FBXO31: variants seen among roughly 807,000 people sequenced by gnomAD.
FBXO31 encodes F-box protein 31.
In FBXO31, 24 loss-of-function variants were observed where a neutral mutation model predicts 54.4. The observed-to-expected ratio is 0.44, with a 90% CI of 0.32 to 0.62. FBXO31 has a LOEUF of 0.62. FBXO31 is among the 20% of genes least tolerant of loss of function. The probability of loss-of-function intolerance (pLI) is 0.05; values close to 1 mark genes in which losing one functional copy is unlikely to be tolerated. For missense variants in FBXO31, 665 were observed against 787.1 expected, an observed-to-expected ratio of 0.84 and a Z score of 1.86; for synonymous variants, 388 against 335.6, an observed-to-expected ratio of 1.16 and a Z score of -1.71.
intron 1 of FBXO31, among the ~76,000 whole-genome samples, chr16:87,364,081 A>C (rs555759831): frequency 8.5e-5 from 13 of 152,242 alleles, no homozygotes; most frequent in Non-Finnish European, 1.8e-4. Flanking sequence ...TTCCATTATA[A>C]TCTTATTTTG....
At chr16:87,381,109 G>C (rs1016723456) in intron 1 of FBXO31, among the ~76,000 whole-genome samples, 2 of 152,164 alleles carry the variant, frequency 1.3e-5, no homozygotes, top group Non-Finnish European at 2.9e-5. Flanking sequence ...GAGCAAATGG[G>C]TAGACTTCAC....
At chr16:87,377,558 G>T (rs1323819416) in intron 1 of FBXO31, among the ~76,000 whole-genome samples, 1 of 152,190 alleles carries the variant, frequency 6.6e-6, no homozygotes, top group African/African-American at 2.4e-5. Flanking sequence ...AGAGGCAGCA[G>T]CTCACGCCTG....
At chr16:87,390,132 T>A (rs556026868), upstream of FBXO31, among the ~76,000 whole-genome samples, 1 of 152,160 alleles carries the variant, frequency 6.6e-6, no homozygotes, top group East Asian at 1.9e-4. Context: ...AATACAAAAA[T>A]TAGCTGGGCG....
chr16:87,351,769 G>A (rs150086251), intron 2 of FBXO31, among the ~76,000 whole-genome samples: 1,721 of 152,178 alleles, frequency 0.011, 8 homozygotes, highest in Non-Finnish European at 0.018. Flanking sequence ...CGTGGGAGGC[G>A]GAGGCAGGAG....
At chr16:87,391,411 G>T (rs757717772), upstream of FBXO31, among the ~76,000 whole-genome samples, 24 of 152,238 alleles carry the variant, frequency 1.6e-4, no homozygotes, top group Non-Finnish European at 3.1e-4. Flanking sequence ...ACGCACTGCA[G>T]CCCATTTGGA....
chr16:87,384,673 G>A (rs186200740), upstream of FBXO31, among the ~76,000 whole-genome samples: 1 of 152,248 alleles, frequency 6.6e-6, no homozygotes, highest in Non-Finnish European at 1.5e-5. Flanking sequence ...GCCCAGGCGG[G>A]AGTATCAATC....
Position 87,346,982 on chromosome 16 carries a change from C to G in FBXO31, c.489+192G>C, listed in dbSNP as rs1439611660. ...CGGGCCACAAGGCCGAAGTGTTGCT[C>G]TAAGCAAACCTTTGCTCATTTGGAA... On this transcript the variant is annotated intron_variant, in intron 3 of 8. Transcript: ENST00000311635. This position sits in a 1 kb window ranked among gnomAD's most constrained non-coding sequence, Gnocchi z 4.2. Among the ~76,000 whole-genome samples the G allele has an allele frequency of 6.6e-6, 1 of 152,240 alleles. No individual in the cohort carries two copies. The highest frequency in any genetic ancestry group is 1.5e-5 in the Non-Finnish European group (1 of 68,048).
At chr16:87,340,225 T>G (rs1281126864) in intron 5 of FBXO31, among the ~76,000 whole-genome samples, 1 of 152,200 alleles carries the variant, frequency 6.6e-6, no homozygotes, top group African/African-American at 2.4e-5. Context: ...AGGCGGAGGT[T>G]GCAGTGAGCC....
chr16:87,375,485 T>C (rs1170943611), intron 1 of FBXO31, among the ~76,000 whole-genome samples: 3 of 151,814 alleles, frequency 2.0e-5, no homozygotes, highest in African/African-American at 7.3e-5. Context: ...AGCAAGACTC[T>C]GTCTCAAAAA....
At chr16:87,384,575 G>A (rs915591954), upstream of FBXO31, among the ~76,000 whole-genome samples, 22 of 152,254 alleles carry the variant, frequency 1.4e-4, no homozygotes, top group African/African-American at 5.3e-4. Context: ...CGTCTCCCAG[G>A]TCCGCGGGTG....
chr16:87,327,999 C>CA lies in FBXO31; in HGVS notation c.*3288dup. The stretch of plus-strand genomic sequence containing the variant: ...CTGTTCGCACCCAAGACCCCACGGC[C>CA]ATGAGGACAACACGAGCTCAGAAGA... On this transcript the variant is annotated 3_prime_UTR_variant, in exon 9 of 9. Coordinates refer to ENST00000311635, the MANE Select transcript of FBXO31 (RefSeq NM_024735.5). 1 of 152,406 alleles carries CA rather than the reference C, an allele frequency of 6.6e-6. No homozygotes were observed. The highest frequency in any genetic ancestry group is 3.4e-3 in the Middle Eastern group (1 of 296). 9.4% of individuals were successfully genotyped at this position (152,406 alleles called of 1,614,324 possible).
intron 1 of FBXO31, chr16:87,367,027 A>T (rs746214234): frequency 2.0e-5 from 3 of 152,076 alleles, no homozygotes; most frequent in South Asian, 2.1e-4. Flanking sequence ...AATTTTTTTT[A>T]AAAATTAGCC....
At chr16:87,347,553 G>A (rs888159773) in intron 2 of FBXO31, among the ~76,000 whole-genome samples, 3 of 152,012 alleles carry the variant, frequency 2.0e-5, no homozygotes, top group Admixed American at 1.3e-4. Flanking sequence ...GGTGGCGGGT[G>A]CCTGTAGTCC....
intron 5 of FBXO31, among the ~76,000 whole-genome samples, chr16:87,341,327 A>G (rs1905186813): frequency 1.3e-5 from 2 of 152,172 alleles, no homozygotes; most frequent in South Asian, 4.1e-4. Flanking sequence ...AGGAGTTTCT[A>G]TTCTTGAAAA....
At position 87,338,918 on chromosome 16, in the gene FBXO31, C is replaced by T. The variant is rs1338065092; in HGVS notation, c.733-2654G>A. Among the ~76,000 whole-genome samples, 2 of 152,164 alleles carry T rather than the reference C, an allele frequency of 1.3e-5. No homozygotes were observed. Among genetic ancestry groups the T allele is most frequent in the Non-Finnish European group, 2.9e-5 (2 of 68,034 alleles). ...TGAATCATGGGGGTGGGGTCTTTTC[C>T]ATGCTGCTCTCATGATAGTGAATAA... On this transcript the variant is annotated intron_variant, in intron 5 of 8. Transcript: ENST00000311635. This position sits in a 1 kb window ranked among gnomAD's most constrained non-coding sequence, Gnocchi z 4.3.
In FBXO31 at chr16:87,327,454, T is replaced by A. The variant is rs1365789680; in HGVS notation, c.*3834A>T. On this transcript the variant is annotated 3_prime_UTR_variant, in exon 9 of 9. Transcript: ENST00000311635. ...GGGTGGATCACCTGAGATCGGGAGTTCGAGACCAACCTGAGCAACATGGCA... is the reference window on the plus strand; with the variant it reads ...GGGTGGATCACCTGAGATCGGGAGTACGAGACCAACCTGAGCAACATGGCA... The A allele has an allele frequency of 1.3e-5, 2 of 152,464 alleles. No individual in the cohort carries two copies. Among genetic ancestry groups the A allele is most frequent in the Non-Finnish European group, 1.5e-5 (1 of 68,284 alleles). 9.4% of individuals were successfully genotyped at this position (152,464 alleles called of 1,614,324 possible).
At chr16:87,360,167 G>A (rs183734112) in intron 2 of FBXO31, 128 bp downstream of exon 2, 1 of 811,880 alleles carries the variant, frequency 1.2e-6, no homozygotes, top group Non-Finnish European at 2.1e-6. Flanking sequence ...TATTCAAAAT[G>A]TGACTGTAAG....
chr16:87,354,660 C>G (rs564097516), intron 2 of FBXO31, among the ~76,000 whole-genome samples: 2 of 152,194 alleles, frequency 1.3e-5, no homozygotes, highest in South Asian at 2.1e-4. Flanking sequence ...AAAGTAGTGA[C>G]TCTGAGGTCA....
chr16:87,372,014 A>G (rs1261604940), intron 1 of FBXO31, among the ~76,000 whole-genome samples: 1 of 152,094 alleles, frequency 6.6e-6, no homozygotes, highest in Non-Finnish European at 1.5e-5. Flanking sequence ...GCTTGAGCTC[A>G]GGAGTTCGAG....
Sources: allele counts gnomAD v4.1 joint callset (sites outside exome capture counted in the v4.1 genomes callset), GRCh38; gene constraint gnomAD v4.1.1; non-coding constraint Gnocchi (gnomAD v3.1); transcripts MANE v1.5; gene names NCBI Gene and HGNC (gene_info 2026-07-23, HGNC 2026-07-21).